TDRP: variants seen among roughly 807,000 people sequenced by gnomAD.
TDRP encodes the protein testis development related protein.
Under a neutral mutation model 10.5 loss-of-function variants are expected in TDRP, and 12 were observed. The ratio of observed to expected loss-of-function variants is 1.15; its 90% confidence interval spans 0.73 to 1.86. TDRP has a LOEUF of 1.86. Among genes scored for constraint, TDRP ranks in the 40% most tolerant of loss-of-function variants. The probability of loss-of-function intolerance (pLI) is 0.00; values close to 1 mark genes in which losing one functional copy is unlikely to be tolerated. For synonymous variants in TDRP, 139 were observed against 95.4 expected, an observed-to-expected ratio of 1.46 and a Z score of -2.67; for missense variants, 353 against 229.2, an observed-to-expected ratio of 1.54 and a Z score of -3.49.
chr8:507,789 T>C (rs750843371), intron 1 of TDRP, among the ~76,000 whole-genome samples: 8 of 152,202 alleles, frequency 5.3e-5, no homozygotes, highest in Non-Finnish European at 1.0e-4. Context: ...TCATCCAAAA[T>C]GTCCAGTTTC....
intron 1 of TDRP, among the ~76,000 whole-genome samples, chr8:539,884 C>A (rs1289889474): frequency 6.6e-6 from 1 of 152,234 alleles, no homozygotes; most frequent in Non-Finnish European, 1.5e-5. Context: ...CATCTCCAAG[C>A]ATGATTTTAA....
At chr8:529,918 T>G (rs1014418323) in intron 1 of TDRP, among the ~76,000 whole-genome samples, 3 of 152,216 alleles carry the variant, frequency 2.0e-5, no homozygotes, top group East Asian at 1.9e-4. Context: ...GATGTCCATT[T>G]TCTTCCTCAT....
intron 1 of TDRP, among the ~76,000 whole-genome samples, chr8:523,762 T>C (rs920202660): frequency 2.6e-5 from 4 of 151,866 alleles, no homozygotes. Context: ...GTGGCTGGAG[T>C]GCCAGCTAGG....
chr8:527,098 A>T (rs1002709253), intron 1 of TDRP, among the ~76,000 whole-genome samples: 1 of 152,132 alleles, frequency 6.6e-6, no homozygotes, highest in Non-Finnish European at 1.5e-5. Context: ...ACAAATTCAA[A>T]ATCAACAGAC....
chr8:536,983 TACAAA>T (rs1168802275), intron 1 of TDRP, among the ~76,000 whole-genome samples: 2 of 152,162 alleles, frequency 1.3e-5, no homozygotes, highest in African/African-American at 4.8e-5. Flanking sequence ...AGACTAACCC[TACAAA>T]TATCTGTTTA....
chr8:517,871 C>G (rs1293708744), intron 1 of TDRP, among the ~76,000 whole-genome samples: 2 of 152,206 alleles, frequency 1.3e-5, no homozygotes, highest in African/African-American at 4.8e-5. Context: ...AGGCTACACA[C>G]TGTGTAATTA....
intron 2 of TDRP, among the ~76,000 whole-genome samples, chr8:494,173 G>A (rs1027857458): frequency 4.6e-5 from 7 of 151,626 alleles, no homozygotes; most frequent in Non-Finnish European, 8.8e-5. Flanking sequence ...ATGTTGGCCA[G>A]GCTGGTCTTG....
chr8:532,547 G>A (rs1177615119), intron 1 of TDRP, among the ~76,000 whole-genome samples: 1 of 152,142 alleles, frequency 6.6e-6, no homozygotes, highest in African/African-American at 2.4e-5. Context: ...CATAGGATAA[G>A]GACCAAATAA....
chr8:505,120 G>C (rs1429350836), intron 1 of TDRP, among the ~76,000 whole-genome samples: 1 of 152,100 alleles, frequency 6.6e-6, no homozygotes, highest in Non-Finnish European at 1.5e-5. Context: ...ACCACATTTG[G>C]AATTACTTAT....
intron 1 of TDRP, among the ~76,000 whole-genome samples, chr8:542,662 C>T (rs58878027): frequency 0.17 from 26,529 of 151,692 alleles, 2,620 homozygotes; most frequent in East Asian, 0.35. Flanking sequence ...ATCATGAGTT[C>T]GAGACCAGCC....
At chr8:518,791 T>G (rs1301310972) in intron 1 of TDRP, among the ~76,000 whole-genome samples, 1 of 152,012 alleles carries the variant, frequency 6.6e-6, no homozygotes, top group Non-Finnish European at 1.5e-5. Flanking sequence ...GTCATTTACA[T>G]AAATATCTTA....
In TDRP at chr8:491,165, C is replaced by G. The variant is rs1800961336; in HGVS notation, c.*1234G>C. 6.5e-6 allele frequency: 1 copy of G among 153,630 alleles called. No homozygotes were observed. The highest frequency in any genetic ancestry group is 6.5e-5 in the Admixed American group (1 of 15,318). 9.5% of individuals were successfully genotyped at this position (153,630 alleles called of 1,614,324 possible). A position where few individuals can be genotyped will look rare whatever the true frequency, so the allele number is the denominator to read the frequency against. On this transcript the variant is annotated 3_prime_UTR_variant, in exon 3 of 3. Coordinates refer to ENST00000324079, the MANE Select transcript of TDRP (RefSeq NM_001384899.1). ...CCACAGGAACAAACGGAAGGAACAT[C>G]CACATGCATGAAACAGCACAGGAGT...
chr8:508,139 C>A (rs1288228951), intron 1 of TDRP, among the ~76,000 whole-genome samples: 1 of 152,102 alleles, frequency 6.6e-6, no homozygotes, highest in East Asian at 1.9e-4. Flanking sequence ...GGCAATGTTG[C>A]ATCAAAGAGA....
At chr8:504,580 G>C (rs1312780383) in intron 1 of TDRP, among the ~76,000 whole-genome samples, 2 of 152,226 alleles carry the variant, frequency 1.3e-5, no homozygotes, top group Admixed American at 1.3e-4. Context: ...TTCGCAGACA[G>C]TGCAAACCGT....
chr8:523,243 T>C (rs1414723795), intron 1 of TDRP, among the ~76,000 whole-genome samples: 1 of 152,216 alleles, frequency 6.6e-6, no homozygotes, highest in African/African-American at 2.4e-5. Flanking sequence ...TATTTTAAAC[T>C]GATAATTTAA....
At chr8:515,570 A>C (rs527734781) in intron 1 of TDRP, among the ~76,000 whole-genome samples, 1 of 152,218 alleles carries the variant, frequency 6.6e-6, no homozygotes, top group Non-Finnish European at 1.5e-5. Context: ...GGAGCATTTC[A>C]CATTTTTAGA....
At chr8:512,273 C>CAAAA (rs144049138) in intron 1 of TDRP, among the ~76,000 whole-genome samples, 2 of 102,956 alleles carry the variant, frequency 1.9e-5, no homozygotes, top group Non-Finnish European at 4.9e-5. Context: ...ACAACAACAA[C>CAAAA]AAAAAAAAAA....
intron 1 of TDRP, among the ~76,000 whole-genome samples, chr8:532,623 G>C (rs577723121): frequency 1.3e-5 from 2 of 152,188 alleles, no homozygotes; most frequent in Admixed American, 1.3e-4. Context: ...GGAAGCTCCG[G>C]AAGAATATAA....
intron 1 of TDRP, among the ~76,000 whole-genome samples, chr8:498,644 A>G (rs1801201247): frequency 6.6e-6 from 1 of 152,134 alleles, no homozygotes; most frequent in Non-Finnish European, 1.5e-5. Flanking sequence ...GATTGTTGGG[A>G]AGGCATGACT....
Sources: gnomAD v4.1 joint callset for allele counts (sites outside exome capture counted in the v4.1 genomes callset) on GRCh38, gnomAD v4.1.1 for gene constraint, MANE v1.5 for transcripts, NCBI Gene and HGNC (gene_info 2026-07-23, HGNC 2026-07-21) for gene names.